LAMA2: variants seen among roughly 807,000 people sequenced by gnomAD.
LAMA2 encodes laminin subunit alpha 2.
LAMA2 carries 269 observed loss-of-function variants against 364.8 expected under a neutral mutation model. The ratio of observed to expected loss-of-function variants is 0.74; its 90% confidence interval spans 0.67 to 0.82. The LOEUF is 0.82. LAMA2 is among the 40% of genes least tolerant of loss of function. The pLI, the probability that LAMA2 is intolerant of heterozygous loss-of-function variation, is 0.00. For synonymous variants in LAMA2, 1,379 were observed against 1,370.6 expected, an observed-to-expected ratio of 1.01 and a Z score of -0.14; for missense variants, 3,807 against 3,873.2, an observed-to-expected ratio of 0.98 and a Z score of 0.45.
intron 4 of LAMA2, among the ~76,000 whole-genome samples, chr6:129,140,281 AT>A (rs1778048409): frequency 6.6e-6 from 1 of 152,134 alleles, no homozygotes; most frequent in African/African-American, 2.4e-5. Flanking sequence ...AATCAGGATT[AT>A]TTGGGTGAAC....
intron 12 of LAMA2, among the ~76,000 whole-genome samples, chr6:129,236,318 A>T (rs753149298): frequency 2.6e-5 from 4 of 152,234 alleles, no homozygotes; most frequent in African/African-American, 9.6e-5. Flanking sequence ...TTCATATTCT[A>T]TATTTTGGTT....
chr6:129,407,717 A>G (rs1487779221), intron 40 of LAMA2, among the ~76,000 whole-genome samples: 2 of 152,120 alleles, frequency 1.3e-5, no homozygotes, highest in African/African-American at 4.8e-5. Context: ...TGGTGGGGTG[A>G]CCCAAACCTT....
chr6:129,412,828 G>C (rs1780602290), intron 40 of LAMA2, among the ~76,000 whole-genome samples: 1 of 152,192 alleles, frequency 6.6e-6, no homozygotes, highest in Non-Finnish European at 1.5e-5. Flanking sequence ...ACTGGCTCAT[G>C]AAGCCTGGAC....
intron 27 of LAMA2, among the ~76,000 whole-genome samples, chr6:129,319,672 G>C (rs1461632401): frequency 1.3e-5 from 2 of 152,132 alleles, no homozygotes; most frequent in African/African-American, 2.4e-5. Context: ...ACCTCATGCA[G>C]TCAGAAATCC....
At chr6:129,265,464 T>A (rs1157186605) in intron 15 of LAMA2, among the ~76,000 whole-genome samples, 1 of 152,156 alleles carries the variant, frequency 6.6e-6, no homozygotes, top group Non-Finnish European at 1.5e-5. Flanking sequence ...TTTCTCAACA[T>A]CCTTAATTTC....
At chr6:129,331,715 C>T (rs1407753147) in intron 29 of LAMA2, among the ~76,000 whole-genome samples, 1 of 151,920 alleles carries the variant, frequency 6.6e-6, no homozygotes. Context: ...TTCTAAGTAA[C>T]CACTTCATTC....
intron 9 of LAMA2, among the ~76,000 whole-genome samples, chr6:129,169,133 C>G (rs947726990): frequency 6.6e-6 from 1 of 151,366 alleles, no homozygotes; most frequent in South Asian, 2.1e-4. Flanking sequence ...TTCCTCTTTT[C>G]CTAATTGAAT....
chr6:129,220,601 A>G (rs976402364), intron 12 of LAMA2, among the ~76,000 whole-genome samples: 1 of 152,240 alleles, frequency 6.6e-6, no homozygotes, highest in Non-Finnish European at 1.5e-5. Context: ...AAAGTCTTCT[A>G]AACATGAAGT....
intron 46 of LAMA2, among the ~76,000 whole-genome samples, chr6:129,453,878 G>A (rs1782815402): frequency 6.7e-6 from 1 of 150,064 alleles, no homozygotes; most frequent in Admixed American, 6.6e-5. Flanking sequence ...AGTGAGAAAG[G>A]CTTTGGTCTC....
chr6:129,377,225 C>A (rs17799606), intron 34 of LAMA2, among the ~76,000 whole-genome samples: 2 of 151,680 alleles, frequency 1.3e-5, no homozygotes, highest in Non-Finnish European at 2.9e-5. Context: ...ATTTTATTGC[C>A]TATTGAATAT....
At chr6:129,366,670 T>C (rs950797967) in intron 33 of LAMA2, among the ~76,000 whole-genome samples, 1 of 152,174 alleles carries the variant, frequency 6.6e-6, no homozygotes, top group African/African-American at 2.4e-5. Flanking sequence ...TCTATAAAAT[T>C]AAAACAAATT....
chr6:129,393,637 C>T (rs78439875), intron 37 of LAMA2, among the ~76,000 whole-genome samples: 4,301 of 152,238 alleles, frequency 0.028, 174 homozygotes, highest in African/African-American at 0.096. Flanking sequence ...TTCCCCAAAT[C>T]TACAATAAGT....
At chr6:129,305,882 C>T (rs1356936507) in intron 22 of LAMA2, among the ~76,000 whole-genome samples, 1 of 151,290 alleles carries the variant, frequency 6.6e-6, no homozygotes, top group Non-Finnish European at 1.5e-5. Context: ...CTTCTCTTGA[C>T]TTTTGGATTA....
At chr6:129,458,922 C>A (rs1037035241) in intron 48 of LAMA2, among the ~76,000 whole-genome samples, 1 of 152,048 alleles carries the variant, frequency 6.6e-6, no homozygotes, top group Non-Finnish European at 1.5e-5. Context: ...TGAGTCAATG[C>A]ATGTTTTTCC....
chr6:129,005,947 CTT>C (rs757439323), intron 1 of LAMA2, among the ~76,000 whole-genome samples: 6 of 151,578 alleles, frequency 4.0e-5, no homozygotes, highest in Non-Finnish European at 7.4e-5. Flanking sequence ...AGTTTTCTCT[CTT>C]GTTTTCCTTC....
intron 1 of LAMA2, among the ~76,000 whole-genome samples, chr6:128,977,780 C>A (rs1470270120): frequency 6.6e-6 from 1 of 152,138 alleles, no homozygotes; most frequent in Non-Finnish European, 1.5e-5. Flanking sequence ...TCTAGTTTTA[C>A]CACTGTTTTG....
At chr6:129,483,841 G>A (rs1398748143) in intron 55 of LAMA2, among the ~76,000 whole-genome samples, 1 of 152,094 alleles carries the variant, frequency 6.6e-6, no homozygotes, top group Non-Finnish European at 1.5e-5. Context: ...ACAATAAGTG[G>A]CATTGCATTT....
Position 128,909,996 on chromosome 6 carries a change from C to T in LAMA2, c.112+26639C>T, listed in dbSNP as rs569150791. ...CTCTTCTGGCTTGTAGGGTTTCTGC[C>T]GAGAGATCTGCTGTTAGTCTGATGG... On this transcript the variant is annotated intron_variant, in intron 1 of 64. Coordinates refer to ENST00000421865, the MANE Select transcript of LAMA2 (RefSeq NM_000426.4). Among the ~76,000 whole-genome samples the T allele has an allele frequency of 3.7e-4, 56 of 151,962 alleles. No homozygotes were observed. The South Asian group carries it at 8.9e-3, about 24-fold the overall frequency.
In LAMA2 at chr6:129,291,473, A is replaced by G. The variant is rs1789696987; in HGVS notation, c.2750-141A>G. 7 of 700,524 alleles carry G rather than the reference A, an allele frequency of 1.0e-5. No homozygotes were observed. In the South Asian group the frequency reaches 1.1e-4, roughly 11 times the overall value. 43.4% of individuals were successfully genotyped at this position (700,524 alleles called of 1,614,324 possible). On this transcript the variant is annotated intron_variant, in intron 19 of 64. Transcript: ENST00000421865. ...TAGGGATTAAATGATAGAATGCCTA[A>G]CAGGGCACTTAACAAATCAGAAAAC... is the stretch of plus-strand genomic sequence containing the variant.
Sources: allele counts gnomAD v4.1 joint callset (sites outside exome capture counted in the v4.1 genomes callset), GRCh38; gene constraint gnomAD v4.1.1; transcripts MANE v1.5; gene names NCBI Gene and HGNC (gene_info 2026-07-23, HGNC 2026-07-21).